NCKAP5: variants seen among roughly 807,000 people sequenced by gnomAD.
NCKAP5 encodes nck-associated protein 5.
A neutral mutation model predicts 167.0 loss-of-function variants in NCKAP5; 92 were observed. The ratio of observed to expected loss-of-function variants is 0.55; its 90% CI spans 0.47 to 0.66. The LOEUF (loss-of-function observed/expected upper bound fraction) is 0.66, where lower values mean the gene tolerates loss of function less well. NCKAP5 is among the 30% of genes least tolerant of loss of function. The pLI, the probability that NCKAP5 is intolerant of heterozygous loss-of-function variation, is 0.00. For missense variants in NCKAP5, 2,378 were observed against 2,315.0 expected, an observed-to-expected ratio of 1.03 and a Z score of -0.56; for synonymous variants, 891 against 877.4, an observed-to-expected ratio of 1.02 and a Z score of -0.27.
At chr2:132,833,412 C>A (rs1288148336) in intron 11 of NCKAP5, among the ~76,000 whole-genome samples, 1 of 151,912 alleles carries the variant, frequency 6.6e-6, no homozygotes, top group Non-Finnish European at 1.5e-5. Flanking sequence ...GTTGCCTGTG[C>A]TTTTGAAGTC....
intron 6 of NCKAP5, among the ~76,000 whole-genome samples, chr2:133,115,977 T>C (rs1428983066): frequency 6.6e-6 from 1 of 151,612 alleles, no homozygotes; most frequent in Non-Finnish European, 1.5e-5. Context: ...AGTAGTGCTA[T>C]GGAAATGATG....
intron 11 of NCKAP5, among the ~76,000 whole-genome samples, chr2:132,839,622 ATGTTGGCATT>A (rs905339464): frequency 3.3e-5 from 5 of 151,990 alleles, no homozygotes; most frequent in African/African-American, 1.2e-4. Flanking sequence ...TCAGCTGGGC[ATGTTGGCATT>A]TGCCTGTCCC....
intron 5 of NCKAP5, among the ~76,000 whole-genome samples, chr2:133,152,613 G>C (rs1314243447): frequency 1.3e-5 from 2 of 152,100 alleles, no homozygotes; most frequent in African/African-American, 4.8e-5. Context: ...TGATATAAAG[G>C]AATGAGCTAT....
chr2:133,070,860 A>G (rs2080371248), intron 6 of NCKAP5, among the ~76,000 whole-genome samples: 1 of 152,222 alleles, frequency 6.6e-6, no homozygotes, highest in Non-Finnish European at 1.5e-5. Flanking sequence ...GTACACGCAT[A>G]TAACATTTTA....
Position 133,458,961 on chromosome 2 carries a change from A to T in NCKAP5, c.69+58497T>A, listed in dbSNP as rs181966969. 7.2e-5 allele frequency among the ~76,000 whole-genome samples: 11 copies of T among 152,340 alleles called. No individual in the cohort carries two copies. The East Asian group carries it at 1.9e-3, about 27-fold the overall frequency. ...ACAACTGAAGCAAATCTTGCCTAAG[A>T]AAGAGTTGAATCACTACCTGCCTTG... On this transcript the variant is annotated intron_variant, in intron 3 of 19. Coordinates refer to ENST00000409261, the MANE Select transcript of NCKAP5 (RefSeq NM_207363.3).
intron 5 of NCKAP5, among the ~76,000 whole-genome samples, chr2:133,146,701 C>T (rs1464484476): frequency 6.6e-6 from 1 of 152,066 alleles, no homozygotes; most frequent in Non-Finnish European, 1.5e-5. Flanking sequence ...CACACAAACA[C>T]CAAATTCTTA....
At chr2:133,287,630 C>T (rs1287188426) in intron 4 of NCKAP5, among the ~76,000 whole-genome samples, 3 of 152,084 alleles carry the variant, frequency 2.0e-5, no homozygotes, top group Non-Finnish European at 2.9e-5. Context: ...CAGGTACCTA[C>T]AATATTTGTA....
At chr2:132,927,349 C>T (rs549553358) in intron 8 of NCKAP5, among the ~76,000 whole-genome samples, 2 of 150,846 alleles carry the variant, frequency 1.3e-5, no homozygotes, top group Admixed American at 1.3e-4. Flanking sequence ...GCTATTCAGG[C>T]TCTTTTGGTT....
intron 6 of NCKAP5, among the ~76,000 whole-genome samples, chr2:133,115,910 A>C (rs1280647686): frequency 6.7e-6 from 1 of 150,294 alleles, no homozygotes; most frequent in Non-Finnish European, 1.5e-5. Flanking sequence ...TTTGTTTTAC[A>C]TGAAAACAAG....
At chr2:133,454,147 A>C (rs1295305049) in intron 3 of NCKAP5, among the ~76,000 whole-genome samples, 3 of 152,054 alleles carry the variant, frequency 2.0e-5, no homozygotes, top group Admixed American at 6.6e-5. Context: ...AAGCTTTAAA[A>C]TGTTCTTCTA....
chr2:133,639,692 C>G, the NCKAP5 span, among the ~76,000 whole-genome samples: 1 of 152,198 alleles, frequency 6.6e-6, no homozygotes, highest in African/African-American at 2.4e-5. Context: ...GAGACCAGCC[C>G]ATCAGTGCAT....
intron 12 of NCKAP5, among the ~76,000 whole-genome samples, chr2:132,795,665 A>G (rs1684519798): frequency 6.6e-6 from 1 of 151,966 alleles, no homozygotes; most frequent in South Asian, 2.1e-4. Flanking sequence ...ATAAAAATAT[A>G]AAAATTAGCT....
intron 3 of NCKAP5, among the ~76,000 whole-genome samples, chr2:133,377,947 C>A (rs1269238081): frequency 6.6e-6 from 1 of 152,106 alleles, no homozygotes; most frequent in Non-Finnish European, 1.5e-5. Flanking sequence ...GCTCTCATAA[C>A]CCACCCCAAA....
At chr2:133,195,194 G>C (rs1260757417) in intron 5 of NCKAP5, among the ~76,000 whole-genome samples, 2 of 152,094 alleles carry the variant, frequency 1.3e-5, no homozygotes, top group Non-Finnish European at 2.9e-5. Context: ...TGAATGATCA[G>C]ATGGGCACAA....
At chr2:132,804,548 G>T (rs898891537) in intron 11 of NCKAP5, among the ~76,000 whole-genome samples, 5 of 151,948 alleles carry the variant, frequency 3.3e-5, no homozygotes, top group Non-Finnish European at 7.4e-5. Context: ...CAAACTAAAA[G>T]GATTAGTTAG....
At chr2:132,876,571 T>C (rs1032238698) in intron 9 of NCKAP5, among the ~76,000 whole-genome samples, 4 of 152,236 alleles carry the variant, frequency 2.6e-5, no homozygotes, top group Non-Finnish European at 5.9e-5. Context: ...ATTGAGAGTG[T>C]TCTCTTACAA....
At chr2:133,028,447 T>C (rs1185612155) in intron 6 of NCKAP5, among the ~76,000 whole-genome samples, 2 of 152,186 alleles carry the variant, frequency 1.3e-5, no homozygotes, top group Non-Finnish European at 2.9e-5. Flanking sequence ...ATGTCACTTG[T>C]ATGCCACTGT....
the NCKAP5 span, among the ~76,000 whole-genome samples, chr2:133,655,985 A>G: frequency 2.0e-5 from 3 of 152,174 alleles, no homozygotes; most frequent in Non-Finnish European, 1.5e-5. Context: ...GGATCCTTCA[A>G]TTGCTAGCTT....
intron 3 of NCKAP5, among the ~76,000 whole-genome samples, chr2:133,421,413 T>C (rs1467727229): frequency 6.6e-6 from 1 of 152,206 alleles, no homozygotes; most frequent in Non-Finnish European, 1.5e-5. Flanking sequence ...TCAAAATGCA[T>C]GAATCAGCAT....
Sources: allele counts gnomAD v4.1 joint callset (sites outside exome capture counted in the v4.1 genomes callset), GRCh38; gene constraint gnomAD v4.1.1; transcripts MANE v1.5; gene names NCBI Gene and HGNC (gene_info 2026-07-23, HGNC 2026-07-21).